DPYSL2: variants seen among roughly 807,000 people sequenced by gnomAD.
DPYSL2 encodes dihydropyrimidinase-related protein 2.
Under a neutral mutation model 69.9 loss-of-function variants are expected in DPYSL2, and 13 were observed. The observed-to-expected ratio is 0.19, with a 90% CI of 0.12 to 0.30. DPYSL2 has a LOEUF of 0.30. DPYSL2 is among the 10% of genes least tolerant of loss of function. DPYSL2 has a pLI of 1.00. For missense variants in DPYSL2, 587 were observed against 918.9 expected (o/e 0.64, Z 4.67); for synonymous variants, 326 against 359.1 (o/e 0.91, Z 1.04).
intron 1 of DPYSL2, among the ~76,000 whole-genome samples, chr8:26,515,838 G>A (rs1434637639): frequency 6.6e-6 from 1 of 152,250 alleles, no homozygotes; most frequent in African/African-American, 2.4e-5. Context: ...TAGGGCAGAG[G>A]GAAGGTTAGT....
chr8:26,588,037 A>T lies in DPYSL2; in HGVS notation c.628+4054A>T, dbSNP rs1369849126. 6.6e-6 allele frequency among the ~76,000 whole-genome samples: 1 copy of T among 152,200 alleles called. No individual in the cohort carries two copies. Among genetic ancestry groups the T allele is most frequent in the African/African-American group, 2.4e-5 (1 of 41,454 alleles). Reference sequence around the variant, plus strand: ...CTTTGCTCTCAGCCTCAGTGGCCTCATCTGCAAAATGGGGCAAGTTTTGAC... The same window carrying T: ...CTTTGCTCTCAGCCTCAGTGGCCTCTTCTGCAAAATGGGGCAAGTTTTGAC... On this transcript the variant is annotated intron_variant, in intron 3 of 13. Coordinates refer to ENST00000521913, the MANE Select transcript of DPYSL2 (RefSeq NM_001197293.3). The surrounding 1 kb of genome is among the most constrained non-coding windows in gnomAD (Gnocchi z 5.4).
At chr8:26,542,512 C>T (rs78904139) in intron 1 of DPYSL2, among the ~76,000 whole-genome samples, 1,959 of 152,022 alleles carry the variant, frequency 0.013, 21 homozygotes, top group Middle Eastern at 0.075. Flanking sequence ...ACCTCAACCT[C>T]GTGGGCTCAA....
At position 26,585,654 on chromosome 8, in the gene DPYSL2, C is replaced by T. The variant is rs970812918; in HGVS notation, c.628+1671C>T. Among the ~76,000 whole-genome samples the T allele has an allele frequency of 6.6e-6, 1 of 152,142 alleles. No individual in the cohort carries two copies. The highest frequency in any genetic ancestry group is 1.9e-4 in the East Asian group (1 of 5,194). On this transcript the variant is annotated intron_variant, in intron 3 of 13. Coordinates refer to ENST00000521913, the MANE Select transcript of DPYSL2 (RefSeq NM_001197293.3). This position sits in a 1 kb window ranked among gnomAD's most constrained non-coding sequence, Gnocchi z 4.0. ...ACCTGTGGGCGTTTCTGCCTCTCCT[C>T]CAGGGCGGACTGTGGAGAAACACTT...
chr8:26,621,519 C>T lies in DPYSL2; in HGVS notation c.629-2624C>T, dbSNP rs879815359. On this transcript the variant is annotated intron_variant, in intron 3 of 13. Coordinates refer to ENST00000521913, the MANE Select transcript of DPYSL2 (RefSeq NM_001197293.3). The surrounding 1 kb of genome is among the most constrained non-coding windows in gnomAD (Gnocchi z 4.9). ...GAAATATTCCATCACTTATTTAGAG[C>T]ATTCATTTGGCTCTTCCCTGATCTA... 1.3e-5 allele frequency among the ~76,000 whole-genome samples: 2 copies of T among 152,130 alleles called. No homozygotes were observed. The highest frequency in any genetic ancestry group is 2.9e-5 in the Non-Finnish European group (2 of 68,028).
At chr8:26,527,624 GC>G (rs1198196817) in intron 1 of DPYSL2, among the ~76,000 whole-genome samples, 4 of 152,128 alleles carry the variant, frequency 2.6e-5, no homozygotes, top group Admixed American at 2.0e-4. Flanking sequence ...AATTGGGGGG[GC>G]TGTTGCCAAC....
In DPYSL2 at chr8:26,601,765, G is replaced by A. The variant is rs542725081; in HGVS notation, c.628+17782G>A. Among the ~76,000 whole-genome samples the A allele has an allele frequency of 3.3e-5, 5 of 152,358 alleles. No homozygotes were observed. In the East Asian group the frequency reaches 9.6e-4, roughly 29 times the overall value. The stretch of plus-strand genomic sequence containing the variant: ...GTTGAAACAGGAGAATTTTTACTGA[G>A]TGTACTCAGGCCCAGCTGACTTACG... On this transcript the variant is annotated intron_variant, in intron 3 of 13. Coordinates refer to ENST00000521913, the MANE Select transcript of DPYSL2 (RefSeq NM_001197293.3).
At chr8:26,557,334 A>T (rs1411540827) in intron 1 of DPYSL2, among the ~76,000 whole-genome samples, 1 of 152,020 alleles carries the variant, frequency 6.6e-6, no homozygotes, top group Non-Finnish European at 1.5e-5. Flanking sequence ...TGTACAAAGA[A>T]CTCTTAAAAC....
Position 26,627,568 on chromosome 8 carries a change from C to T in DPYSL2, c.936+273C>T, listed in dbSNP as rs777225217. On this transcript the variant is annotated intron_variant, in intron 6 of 13. Transcript: ENST00000521913. This position sits in a 1 kb window ranked among gnomAD's most constrained non-coding sequence, Gnocchi z 6.9. The stretch of plus-strand genomic sequence containing the variant: ...TAACGCAGCTGCCTTGGGTGGGGTA[C>T]GGGAACCCTCACGTCACACACAGGC... Among the ~76,000 whole-genome samples, 1 of 152,096 alleles carries T rather than the reference C, an allele frequency of 6.6e-6. No homozygotes were observed. Among genetic ancestry groups the T allele is most frequent in the Non-Finnish European group, 1.5e-5 (1 of 68,012 alleles).
chr8:26,550,157 C>T lies in DPYSL2; in HGVS notation c.355-31812C>T, dbSNP rs116759831. On this transcript the variant is annotated intron_variant, in intron 1 of 13. Coordinates refer to ENST00000521913, the MANE Select transcript of DPYSL2 (RefSeq NM_001197293.3). ...AAAGTAACATTACAAGGGATGGGAGCATTGGGAATACTCTGCTGTAAGGTA... is the reference window on the plus strand; with the variant it reads ...AAAGTAACATTACAAGGGATGGGAGTATTGGGAATACTCTGCTGTAAGGTA... Among the ~76,000 whole-genome samples the T allele has an allele frequency of 1.6e-3, 238 of 152,246 alleles. 1 individual carries two copies. The highest frequency in any genetic ancestry group is 5.4e-3 in the African/African-American group (226 of 41,542).
rs1160321074 is a variant in DPYSL2, at chr8:26,622,150, CTT to C, written c.629-1992_629-1991del. Among the ~76,000 whole-genome samples the C allele has an allele frequency of 5.1e-4, 25 of 48,996 alleles. 1 individual carries two copies. The highest frequency in any genetic ancestry group is 2.1e-3 in the Admixed American group (10 of 4,820). 32.1% of individuals were successfully genotyped at this position (48,996 alleles called of 152,430 possible). A position where few individuals can be genotyped will look rare whatever the true frequency, so the allele number is the denominator to read the frequency against. On this transcript the variant is annotated intron_variant, in intron 3 of 13. Coordinates refer to ENST00000521913, the MANE Select transcript of DPYSL2 (RefSeq NM_001197293.3). The stretch of plus-strand genomic sequence containing the variant: ...CCTTCCTTCCTTCCTTCCTTCCTTC[CTT>C]CCTTCCCTCTCTCTCTCTTTCTTTC...
chr8:26,602,138 A>ATTTTTTTT (rs374443692), intron 3 of DPYSL2, among the ~76,000 whole-genome samples: 4 of 135,296 alleles, frequency 3.0e-5, no homozygotes, highest in Non-Finnish European at 6.3e-5. Context: ...AACAAAGGAA[A>ATTTTTTTT]TTTTTTTTTT....
intron 1 of DPYSL2, among the ~76,000 whole-genome samples, chr8:26,574,246 G>C (rs901917293): frequency 1.3e-5 from 2 of 151,912 alleles, no homozygotes; most frequent in African/African-American, 4.9e-5. Context: ...GTAGATTAGG[G>C]AGGGCACACT....
intron 1 of DPYSL2, among the ~76,000 whole-genome samples, chr8:26,524,835 A>AAAAGAGAG (rs1563374151): frequency 5.4e-5 from 4 of 74,224 alleles, no homozygotes; most frequent in East Asian, 4.4e-4. Flanking sequence ...AAAAAAAAAA[A>AAAAGAGAG]AGAGAGAGAA....
Position 26,588,405 on chromosome 8 carries a change from T to C in DPYSL2, c.628+4422T>C, listed in dbSNP as rs1801651287. Among the ~76,000 whole-genome samples the C allele has an allele frequency of 1.3e-5, 2 of 152,158 alleles. No individual in the cohort carries two copies. On this transcript the variant is annotated intron_variant, in intron 3 of 13. Transcript: ENST00000521913. This position sits in a 1 kb window ranked among gnomAD's most constrained non-coding sequence, Gnocchi z 5.4. Reference sequence around the variant, plus strand: ...GGGTCTGTGACTCTGTATTCGAATCTGGTGCTTGGGGAGCTTTTTGAAAGC... The same window carrying C: ...GGGTCTGTGACTCTGTATTCGAATCCGGTGCTTGGGGAGCTTTTTGAAAGC...
intron 1 of DPYSL2, among the ~76,000 whole-genome samples, chr8:26,540,341 A>G (rs74499871): frequency 0.069 from 10,539 of 152,242 alleles, 442 homozygotes; most frequent in South Asian, 0.22. Context: ...AAATGAAAAA[A>G]GTGAAAAAAG....
chr8:26,627,184 G>A lies in DPYSL2; in HGVS notation c.856-31G>A. On this transcript the variant is annotated intron_variant, in intron 5 of 13. Coordinates refer to ENST00000521913, the MANE Select transcript of DPYSL2 (RefSeq NM_001197293.3). This position sits in a 1 kb window ranked among gnomAD's most constrained non-coding sequence, Gnocchi z 6.9. ...TGTGAACAGGAAGATGGAAGTCCCTGTCTCTGATCCCACCCTTGTCTCTCT... is the reference window on the plus strand; with the variant it reads ...TGTGAACAGGAAGATGGAAGTCCCTATCTCTGATCCCACCCTTGTCTCTCT... The A allele has an allele frequency of 1.2e-6, 2 of 1,605,204 alleles. No individual in the cohort carries two copies. Among genetic ancestry groups the A allele is most frequent in the Non-Finnish European group, 1.7e-6 (2 of 1,171,964 alleles).
chr8:26,580,749 CA>C lies in DPYSL2; in HGVS notation c.355-1216del, dbSNP rs1417964683. On this transcript the variant is annotated intron_variant, in intron 1 of 13. Coordinates refer to ENST00000521913, the MANE Select transcript of DPYSL2 (RefSeq NM_001197293.3). This position sits in a 1 kb window ranked among gnomAD's most constrained non-coding sequence, Gnocchi z 4.1. ...AACTGAATTTTGAGTTAACTATTGC[CA>C]AAAGAATGTCATTCTTTGAAATGTG... Among the ~76,000 whole-genome samples, 3 of 152,102 alleles carry C rather than the reference CA, an allele frequency of 2.0e-5. No homozygotes were observed. The highest frequency in any genetic ancestry group is 2.9e-5 in the Non-Finnish European group (2 of 68,022).
rs931632533 is a variant in DPYSL2, at chr8:26,619,108, C to A, written c.629-5035C>A. Among the ~76,000 whole-genome samples the A allele has an allele frequency of 1.3e-5, 2 of 152,178 alleles. No homozygotes were observed. The highest frequency in any genetic ancestry group is 4.8e-5 in the African/African-American group (2 of 41,438). On this transcript the variant is annotated intron_variant, in intron 3 of 13. Coordinates refer to ENST00000521913, the MANE Select transcript of DPYSL2 (RefSeq NM_001197293.3). The surrounding 1 kb of genome is among the most constrained non-coding windows in gnomAD (Gnocchi z 4.8). ...TGCTGGTATAGTCGGGTTGCCAAGG[C>A]TGCCCTCTTGGAGGGGCCGATAGCT...
intron 1 of DPYSL2, among the ~76,000 whole-genome samples, chr8:26,519,043 G>A (rs1372882): frequency 0.69 from 105,638 of 152,092 alleles, 38,129 homozygotes; most frequent in East Asian, 0.94. Context: ...GCTGTCATTG[G>A]ACCGCCAGTG....
Sources: allele counts gnomAD v4.1 joint callset (sites outside exome capture counted in the v4.1 genomes callset), GRCh38; gene constraint gnomAD v4.1.1; non-coding constraint Gnocchi (gnomAD v3.1); transcripts MANE v1.5; gene names NCBI Gene and HGNC (gene_info 2026-07-23, HGNC 2026-07-21).